TAF3: variants seen among roughly 807,000 people sequenced by gnomAD.
TAF3 encodes the protein TATA-box binding protein associated factor 3.
TAF3 carries 7 observed loss-of-function variants against 80.6 expected under a neutral mutation model. That is an observed-to-expected ratio of 0.09 (90% CI 0.05 to 0.16). The LOEUF (loss-of-function observed/expected upper bound fraction) is 0.16, where lower values mean the gene tolerates loss of function less well. TAF3 is among the 10% of genes least tolerant of loss of function. The pLI is 1.00. For missense variants in TAF3, 921 were observed against 1,140.2 expected (o/e 0.81, Z 2.77); for synonymous variants, 444 against 446.1 (o/e 1.00, Z 0.06).
intron 4 of TAF3, among the ~76,000 whole-genome samples, chr10:8,007,726 C>T (rs1210472701): frequency 6.6e-6 from 1 of 151,470 alleles, no homozygotes; most frequent in African/African-American, 2.4e-5. Flanking sequence ...TCAGTTTCCT[C>T]ATCTACAAAA....
In TAF3 at chr10:7,965,576, T is replaced by C; in HGVS notation, c.2066T>C (p.Leu689Pro). Residue 689 changes from leucine to proline, a missense_variant, in exon 3 of 7, where the codon CTG becomes CCG. This residue lies in a region of TAF3 where 743 missense variants were observed against 821.0 expected (regional missense o/e 0.90). Coordinates refer to ENST00000344293, the MANE Select transcript of TAF3 (RefSeq NM_031923.4). ...TTGTTGCCAGTGCTTCCGGAAAAAC[T>C]GTTTGAGGAGAAAGAGAAGGTGAAG... ...PSLLPVLPEKLFEEKEKVKEK... is the reference protein window; with the variant it reads ...PSLLPVLPEKPFEEKEKVKEK... 1 of 1,593,168 alleles carries C rather than the reference T, an allele frequency of 6.3e-7. No homozygotes were observed. The highest frequency in any genetic ancestry group is 8.5e-7 in the Non-Finnish European group (1 of 1,174,212).
intron 2 of TAF3, among the ~76,000 whole-genome samples, chr10:7,882,613 CAACAT>C (rs1377318639): frequency 1.2e-4 from 19 of 152,250 alleles, no homozygotes; most frequent in Admixed American, 3.3e-4. Context: ...TACTTGGACT[CAACAT>C]AAGGAAGAAT....
At position 8,014,809 on chromosome 10, in the gene TAF3, T is replaced by G. The variant is rs1367103255; in HGVS notation, c.*58T>G. On this transcript the variant is annotated 3_prime_UTR_variant, in exon 7 of 7. Transcript: ENST00000344293. ...GCCCGGGCTTCTTCCCTGGCGCCTC[T>G]GGAAGGGAGCTGGTGCAAGTCTGCC... is the stretch of plus-strand genomic sequence containing the variant. The G allele has an allele frequency of 3.5e-6, 5 of 1,438,402 alleles. No homozygotes were observed. The highest frequency in any genetic ancestry group is 9.4e-7 in the Non-Finnish European group (1 of 1,059,612). The allele number at this position is 1,438,402 out of a possible 1,614,324, so 89.1% of individuals were successfully genotyped here. A position where few individuals can be genotyped will look rare whatever the true frequency, so the allele number is the denominator to read the frequency against.
At chr10:7,833,057 A>C (rs1236704351) in intron 2 of TAF3, among the ~76,000 whole-genome samples, 1 of 152,162 alleles carries the variant, frequency 6.6e-6, no homozygotes, top group Non-Finnish European at 1.5e-5. Flanking sequence ...TAAAGGCTGA[A>C]TAGTATTCTG....
intron 2 of TAF3, among the ~76,000 whole-genome samples, chr10:7,884,672 G>A (rs767122364): frequency 2.6e-5 from 4 of 152,146 alleles, no homozygotes; most frequent in Non-Finnish European, 5.9e-5. Context: ...ACAGGCGTGC[G>A]CCGCTGCGCC....
intron 2 of TAF3, among the ~76,000 whole-genome samples, chr10:7,897,893 C>T (rs961694416): frequency 1.3e-5 from 2 of 151,948 alleles, no homozygotes; most frequent in African/African-American, 2.4e-5. Flanking sequence ...ACTGCAGGGC[C>T]GAGCGATCCT....
chr10:7,863,696 T>TATATATATACAC (rs1487497865), intron 2 of TAF3, among the ~76,000 whole-genome samples: 1 of 83,536 alleles, frequency 1.2e-5, no homozygotes, highest in Non-Finnish European at 2.5e-5. Flanking sequence ...CACACACATA[T>TATATATATACAC]ATATATATAC....
Position 7,824,423 on chromosome 10 carries a change from C to G in TAF3, c.272C>G (p.Thr91Ser), listed in dbSNP as rs368121309. Residue 91 changes from threonine to serine, a missense_variant, in exon 2 of 7, where the codon ACC (threonine) becomes AGC (serine). Transcript: ENST00000344293. ...TATATTCACAACATTGAGCCTGTCA[C>G]CTTCCCACACCAAATTCCGTCATTT... is the stretch of plus-strand genomic sequence containing the variant. The part of the protein sequence containing the change: ...EDYIHNIEPV[T>S]FPHQIPSFPV... 1 of 1,614,016 alleles carries G rather than the reference C, an allele frequency of 6.2e-7. No homozygotes were observed. Among genetic ancestry groups the G allele is most frequent in the African/African-American group, 1.3e-5 (1 of 74,914 alleles).
chr10:8,003,766 C>A (rs945344992), intron 4 of TAF3, among the ~76,000 whole-genome samples: 8 of 152,140 alleles, frequency 5.3e-5, no homozygotes, highest in African/African-American at 1.9e-4. Flanking sequence ...CCAGTCTTGG[C>A]CAGGCACAGT....
chr10:7,818,542 G>A lies in TAF3; in HGVS notation c.-168G>A. 1 of 644,896 alleles carries A rather than the reference G, an allele frequency of 1.6e-6. No homozygotes were observed. Among genetic ancestry groups the A allele is most frequent in the Non-Finnish European group, 2.4e-6 (1 of 415,288 alleles). The allele number at this position is 644,896 out of a possible 1,614,324, so 39.9% of individuals were successfully genotyped here. A position where few individuals can be genotyped will look rare whatever the true frequency, so the allele number is the denominator to read the frequency against. On this transcript the variant is annotated 5_prime_UTR_variant, in exon 1 of 7. Transcript: ENST00000344293. ...AGCGAGTCCAAAATGGCGGCTCTCA[G>A]GCTGGCGCGCTCCGTGCTGCTGGGG...
chr10:7,944,384 G>C lies in TAF3; in HGVS notation c.410-19536G>C, dbSNP rs186957775. Among the ~76,000 whole-genome samples, 23 of 152,222 alleles carry C rather than the reference G, an allele frequency of 1.5e-4. No homozygotes were observed. In the East Asian group the frequency reaches 4.0e-3, roughly 27 times the overall value. Reference sequence around the variant, plus strand: ...TCAAAAATAGAGTCCTAATTTTCTAGTTAGTCAGTAAGACCATCAACAGAC... The same window carrying C: ...TCAAAAATAGAGTCCTAATTTTCTACTTAGTCAGTAAGACCATCAACAGAC... On this transcript the variant is annotated intron_variant, in intron 2 of 6. Transcript: ENST00000344293.
At chr10:7,864,240 C>T (rs1728916123) in intron 2 of TAF3, among the ~76,000 whole-genome samples, 1 of 152,156 alleles carries the variant, frequency 6.6e-6, no homozygotes, top group Admixed American at 6.5e-5. Context: ...CCTATTCTTC[C>T]CTCCCTTACC....
chr10:7,968,467 A>T (rs577872333), intron 3 of TAF3, among the ~76,000 whole-genome samples: 2 of 152,234 alleles, frequency 1.3e-5, no homozygotes, highest in African/African-American at 4.8e-5. Flanking sequence ...AATCCAGCAG[A>T]CCTGGAATAA....
Position 7,839,262 on chromosome 10 carries a change from C to T in TAF3, c.409+14702C>T, listed in dbSNP as rs536852398. Among the ~76,000 whole-genome samples the T allele has an allele frequency of 2.3e-4, 35 of 152,246 alleles. No individual in the cohort carries two copies. In the South Asian group the frequency reaches 6.8e-3, roughly 30 times the overall value. The stretch of plus-strand genomic sequence containing the variant: ...AGCGCCCGTATAATATATATCTCTA[C>T]CATCATACTTCATATATTTTGTTAT... On this transcript the variant is annotated intron_variant, in intron 2 of 6. Transcript: ENST00000344293.
chr10:7,969,992 CT>C (rs1164473084), intron 3 of TAF3, among the ~76,000 whole-genome samples: 1 of 152,188 alleles, frequency 6.6e-6, no homozygotes, highest in East Asian at 1.9e-4. Flanking sequence ...AGTTTCATAC[CT>C]TCTCGAAGAA....
intron 4 of TAF3, among the ~76,000 whole-genome samples, chr10:8,002,026 A>G (rs1831949501): frequency 6.6e-6 from 1 of 152,216 alleles, no homozygotes; most frequent in African/African-American, 2.4e-5. Context: ...TGGCTATTGT[A>G]AGATAGAAGA....
intron 2 of TAF3, among the ~76,000 whole-genome samples, chr10:7,863,622 A>AT (rs1403963111): frequency 0.068 from 4,651 of 68,134 alleles, 523 homozygotes; most frequent in East Asian, 0.27. Context: ...AAAAAAAAAA[A>AT]AAAAATATAT....
chr10:7,981,471 G>A (rs1220562472), intron 4 of TAF3, among the ~76,000 whole-genome samples: 1 of 152,172 alleles, frequency 6.6e-6, no homozygotes, highest in Admixed American at 6.5e-5. Context: ...ATTGGATCAG[G>A]TGATATTGGA....
At chr10:7,908,129 C>T (rs992483374) in intron 2 of TAF3, among the ~76,000 whole-genome samples, 1 of 152,192 alleles carries the variant, frequency 6.6e-6, no homozygotes, top group African/African-American at 2.4e-5. Context: ...CTGCCTTCTC[C>T]ATTGCCATTT....
Sources: gnomAD v4.1 joint callset for allele counts (sites outside exome capture counted in the v4.1 genomes callset) on GRCh38, gnomAD v4.1.1 for gene constraint, gnomAD v4.1.1 regional missense constraint, MANE v1.5 for transcripts, NCBI Gene and HGNC (gene_info 2026-07-23, HGNC 2026-07-21) for gene names.